Variants in IL7 observed in about 807,000 individuals in gnomAD.
IL7 encodes interleukin 7.
IL7 carries 3 observed loss-of-function variants against 21.6 expected under a neutral mutation model. That is an observed-to-expected ratio of 0.14 (90% confidence interval 0.06 to 0.36). The LOEUF (loss-of-function observed/expected upper bound fraction) is 0.36, where lower values mean the gene tolerates loss of function less well. IL7 is among the 10% of genes least tolerant of loss of function. The pLI is 1.00. For synonymous variants in IL7, 62 were observed against 68.1 expected (o/e 0.91, Z 0.44); for missense variants, 175 against 200.2 (o/e 0.87, Z 0.76).
At chr8:78,711,530 T>C (rs1488275031) in intron 3 of IL7, among the ~76,000 whole-genome samples, 2 of 152,174 alleles carry the variant, frequency 1.3e-5, no homozygotes, top group Non-Finnish European at 2.9e-5. Context: ...GAAAGTCAAA[T>C]GGAGTACATG....
chr8:78,755,552 T>A (rs146422924), intron 2 of IL7, among the ~76,000 whole-genome samples: 25 of 152,094 alleles, frequency 1.6e-4, no homozygotes, highest in African/African-American at 1.2e-4. Flanking sequence ...CTTGGTTAAA[T>A]TTATTTCTAG....
chr8:78,675,673 A>C (rs1809556270), downstream of IL7: 5 of 974,022 alleles, frequency 5.1e-6, no homozygotes, highest in Non-Finnish European at 6.0e-6. Flanking sequence ...ATGCAGTAAA[A>C]CATTTTTCAC....
chr8:78,687,582 G>A (rs959954433), intron 3 of IL7, among the ~76,000 whole-genome samples: 7 of 131,296 alleles, frequency 5.3e-5, no homozygotes, highest in South Asian at 2.3e-4. Context: ...ATATATTTAC[G>A]TAATAAATTA....
intron 3 of IL7, among the ~76,000 whole-genome samples, chr8:78,697,713 C>G (rs1810471088): frequency 6.9e-6 from 1 of 144,250 alleles, no homozygotes; most frequent in Non-Finnish European, 1.5e-5. Flanking sequence ...GAGTCTTGCT[C>G]TGTTGCCCAG....
chr8:78,774,914 A>C (rs1813082157), intron 2 of IL7, among the ~76,000 whole-genome samples: 1 of 152,152 alleles, frequency 6.6e-6, no homozygotes, highest in African/African-American at 2.4e-5. Context: ...GCTCAACTTA[A>C]GAAAAATCAA....
At chr8:78,777,520 C>T (rs16906090) in intron 2 of IL7, among the ~76,000 whole-genome samples, 17,458 of 152,004 alleles carry the variant, frequency 0.11, 1,367 homozygotes, top group East Asian at 0.28. Context: ...TGGGAAACTA[C>T]CTTTAAGGAC....
intron 2 of IL7, among the ~76,000 whole-genome samples, chr8:78,780,294 G>A (rs960410581): frequency 6.6e-5 from 10 of 151,864 alleles, no homozygotes; most frequent in African/African-American, 2.4e-4. Context: ...GTTTGCCCTT[G>A]GTTCTCTAGT....
At chr8:78,732,314 A>T (rs949978609), downstream of IL7, among the ~76,000 whole-genome samples, 2 of 152,158 alleles carry the variant, frequency 1.3e-5, no homozygotes, top group Non-Finnish European at 2.9e-5. Context: ...ATACAATTCT[A>T]TACAGCTATC....
chr8:78,689,454 C>G, intron 3 of IL7: 1 of 1,311,800 alleles, frequency 7.6e-7, no homozygotes, highest in Non-Finnish European at 1.0e-6. Context: ...CTTTTCATGA[C>G]ATTAGACTAT....
At chr8:78,719,327 G>A (rs908926594) in intron 5 of IL7, 2 of 151,650 alleles carry the variant, frequency 1.3e-5, no homozygotes, top group Admixed American at 1.3e-4. Flanking sequence ...TTTTACAGTA[G>A]TAAATTAATG....
chr8:78,760,666 A>T lies in IL7; in HGVS notation c.148-20584T>A, dbSNP rs946706537. The T allele has an allele frequency of 1.0e-4, 161 of 1,594,250 alleles. No individual in the cohort carries two copies. The African/African-American group carries it at 2.1e-3, about 21-fold the overall frequency. On this transcript the variant is annotated intron_variant, in intron 2 of 5. Coordinates refer to ENST00000263851, the MANE Select transcript of IL7 (RefSeq NM_000880.4). ...CTGAGAATATATCTTTAAGTTCCTG[A>T]ATAATGTGCTCCACTGTTGGGACAC... is the stretch of plus-strand genomic sequence containing the variant.
At position 78,689,309 on chromosome 8, in the gene IL7, G is replaced by A. The variant is rs761443209; in HGVS notation, n.215-3362C>T. 1.1e-5 allele frequency: 17 copies of A among 1,602,366 alleles called. No homozygotes were observed. The highest frequency in any genetic ancestry group is 8.5e-5 in the Admixed American group (5 of 58,628). Reference sequence around the variant, plus strand: ...AATTTCTGTAAAGAACAGGCAGCACGTATTAGTAATAAAGGGAAATTTTCT... The same window carrying A: ...AATTTCTGTAAAGAACAGGCAGCACATATTAGTAATAAAGGGAAATTTTCT... On this transcript the variant is annotated intron_variant and non_coding_transcript_variant, in intron 3 of 4. Transcript: ENST00000523959.
intron 2 of IL7, among the ~76,000 whole-genome samples, chr8:78,744,571 G>A (rs776601042): frequency 1.3e-5 from 2 of 152,162 alleles, no homozygotes; most frequent in African/African-American, 2.4e-5. Flanking sequence ...CTTATCCTTT[G>A]AGGCACCATG....
Position 78,675,793 on chromosome 8 carries a change from G to T in IL7, n.585C>A, listed in dbSNP as rs763567351. ...AAATTCCTTCCTGTTTTAGAGAATG[G>T]AGGTGTTGTCCAAGTTGGAGAATTG... On this transcript the variant is annotated non_coding_transcript_exon_variant, in exon 5 of 5. Transcript: ENST00000523959. 6 of 1,607,730 alleles carry T rather than the reference G, an allele frequency of 3.7e-6. No individual in the cohort carries two copies. The Admixed American group carries it at 1.0e-4, about 27-fold the overall frequency.
chr8:78,714,861 T>A (rs1811051450), downstream of IL7, among the ~76,000 whole-genome samples: 1 of 152,232 alleles, frequency 6.6e-6, no homozygotes, highest in Admixed American at 6.5e-5. Context: ...CTTGTTTGTT[T>A]ATTTAACCAT....
intron 2 of IL7, among the ~76,000 whole-genome samples, chr8:78,772,123 G>A (rs1315144024): frequency 1.3e-5 from 2 of 152,068 alleles, no homozygotes; most frequent in African/African-American, 4.8e-5. Context: ...AAAACACTAA[G>A]TGGAAAAACT....
intron 3 of IL7, chr8:78,689,321 A>C: frequency 6.2e-7 from 1 of 1,605,112 alleles, no homozygotes; most frequent in Non-Finnish European, 8.5e-7. Context: ...ATTAGTAATA[A>C]AGGGAAATTT....
intron 3 of IL7, among the ~76,000 whole-genome samples, chr8:78,696,989 G>C (rs1009455227): frequency 6.6e-6 from 1 of 152,076 alleles, no homozygotes; most frequent in Non-Finnish European, 1.5e-5. Context: ...CCTGTGAACT[G>C]AAAAAGTTGC....
chr8:78,696,845 A>G (rs1810434740), intron 3 of IL7, among the ~76,000 whole-genome samples: 1 of 152,218 alleles, frequency 6.6e-6, no homozygotes, highest in Non-Finnish European at 1.5e-5. Context: ...ATAAAAACAC[A>G]TCCAGGAACA....
Sources: allele counts gnomAD v4.1 joint callset (sites outside exome capture counted in the v4.1 genomes callset), GRCh38; gene constraint gnomAD v4.1.1; transcripts MANE v1.5; gene names NCBI Gene and HGNC (gene_info 2026-07-23, HGNC 2026-07-21).